SEMA3A: variants seen among roughly 807,000 people sequenced by gnomAD.
SEMA3A encodes semaphorin 3A.
SEMA3A carries 29 observed loss-of-function variants against 97.9 expected under a neutral mutation model. The observed-to-expected ratio is 0.30, with a 90% CI of 0.22 to 0.40. SEMA3A has a LOEUF of 0.40. SEMA3A is among the 10% of genes least tolerant of loss of function. The pLI is 1.00. For synonymous variants in SEMA3A, 321 were observed against 323.7 expected, an observed-to-expected ratio of 0.99 and a Z score of 0.09; for missense variants, 763 against 951.3, an observed-to-expected ratio of 0.80 and a Z score of 2.60.
chr7:84,377,167 C>A (rs984856942), intron 1 of SEMA3A, among the ~76,000 whole-genome samples: 2 of 152,076 alleles, frequency 1.3e-5, no homozygotes, highest in African/African-American at 4.8e-5. Context: ...ATATTTAAGT[C>A]TTTAATTCAT....
At chr7:84,330,389 A>G (rs533846798) in intron 2 of SEMA3A, among the ~76,000 whole-genome samples, 1 of 152,174 alleles carries the variant, frequency 6.6e-6, no homozygotes, top group Admixed American at 6.6e-5. Context: ...TCTAATATCA[A>G]ACTTTGAAAC....
At chr7:84,118,784 T>C (rs574778221) in intron 3 of SEMA3A, among the ~76,000 whole-genome samples, 2 of 152,334 alleles carry the variant, frequency 1.3e-5, no homozygotes, top group East Asian at 3.9e-4. Flanking sequence ...CAACTGTAGT[T>C]ACCTACAACA....
chr7:84,280,174 G>A (rs1345280750), intron 3 of SEMA3A, among the ~76,000 whole-genome samples: 1 of 152,140 alleles, frequency 6.6e-6, no homozygotes, highest in Non-Finnish European at 1.5e-5. Context: ...TGGGATTACA[G>A]ATGTGAGACA....
intron 4 of SEMA3A, among the ~76,000 whole-genome samples, chr7:84,068,489 A>G (rs1214263210): frequency 6.6e-6 from 1 of 152,066 alleles, no homozygotes; most frequent in Non-Finnish European, 1.5e-5. Context: ...GAAACATAAA[A>G]GACCTATACT....
rs1562936898 is a variant in SEMA3A at position 83,956,422 on chromosome 7, C to T, written c.*4949G>A. 1 of 152,078 alleles carries T rather than the reference C, an allele frequency of 6.6e-6. No homozygotes were observed. Among genetic ancestry groups the T allele is most frequent in the Non-Finnish European group, 1.5e-5 (1 of 68,014 alleles). 9.4% of individuals were successfully genotyped at this position (152,078 alleles called of 1,614,324 possible). A position where few individuals can be genotyped will look rare whatever the true frequency, so the allele number is the denominator to read the frequency against. ...TTGTAGAATTCAGAGTTTCAGCTGA[C>T]CTGTGCTGGTTTGAACTAGAGGAGA... On this transcript the variant is annotated 3_prime_UTR_variant, in exon 17 of 17. Coordinates refer to ENST00000265362, the MANE Select transcript of SEMA3A (RefSeq NM_006080.3).
At chr7:84,244,081 G>T (rs1290774216) in intron 3 of SEMA3A, among the ~76,000 whole-genome samples, 7 of 152,148 alleles carry the variant, frequency 4.6e-5, no homozygotes, top group Non-Finnish European at 1.0e-4. Context: ...GTTGATTTGG[G>T]GTGGAGAGTC....
At chr7:84,030,642 C>T (rs1791708177) in intron 6 of SEMA3A, among the ~76,000 whole-genome samples, 1 of 150,880 alleles carries the variant, frequency 6.6e-6, no homozygotes, top group African/African-American at 2.5e-5. Context: ...GTTTAAGATG[C>T]ATCTCATATA....
At chr7:84,071,355 A>T (rs1367924806) in intron 4 of SEMA3A, among the ~76,000 whole-genome samples, 1 of 152,160 alleles carries the variant, frequency 6.6e-6, no homozygotes, top group African/African-American at 2.4e-5. Flanking sequence ...AAATTTTGAC[A>T]TGAGATCACA....
intron 2 of SEMA3A, among the ~76,000 whole-genome samples, chr7:84,329,822 C>T (rs1008939767): frequency 4.6e-5 from 7 of 152,012 alleles, no homozygotes; most frequent in Non-Finnish European, 7.4e-5. Context: ...TTTTATATCA[C>T]ATACTTGCAC....
intron 1 of SEMA3A, among the ~76,000 whole-genome samples, chr7:84,412,367 T>G (rs560523138): frequency 6.6e-6 from 1 of 152,250 alleles, no homozygotes; most frequent in South Asian, 2.1e-4. Context: ...ACTGTATTGT[T>G]CCATGGTGAG....
At chr7:84,357,838 T>G (rs1055365196) in intron 2 of SEMA3A, among the ~76,000 whole-genome samples, 3 of 152,058 alleles carry the variant, frequency 2.0e-5, no homozygotes, top group Non-Finnish European at 4.4e-5. Context: ...TTAACTGGTA[T>G]GAGATGGTAT....
At chr7:84,437,656 A>G (rs1805171901) in intron 1 of SEMA3A, among the ~76,000 whole-genome samples, 1 of 151,828 alleles carries the variant, frequency 6.6e-6, no homozygotes, top group Non-Finnish European at 1.5e-5. Flanking sequence ...CCATCCTGAT[A>G]CATGAGAACA....
chr7:84,186,688 G>A (rs1185744692), intron 1 of SEMA3A, among the ~76,000 whole-genome samples: 6 of 151,532 alleles, frequency 4.0e-5, no homozygotes, highest in Non-Finnish European at 8.8e-5. Context: ...TAATAACAAT[G>A]CTGCTAGTAG....
intron 3 of SEMA3A, among the ~76,000 whole-genome samples, chr7:84,128,210 CT>C (rs973351704): frequency 6.6e-6 from 1 of 151,560 alleles, no homozygotes; most frequent in Non-Finnish European, 1.5e-5. Context: ...TTGCATGGTC[CT>C]TTTTCAACCC....
chr7:84,085,375 C>A (rs543967778), intron 4 of SEMA3A, among the ~76,000 whole-genome samples: 3 of 150,634 alleles, frequency 2.0e-5, no homozygotes, highest in African/African-American at 7.3e-5. Flanking sequence ...TGAAACTGAC[C>A]ATAAAATCGT....
chr7:84,059,394 A>G (rs2115678334), intron 5 of SEMA3A, among the ~76,000 whole-genome samples: 1 of 152,272 alleles, frequency 6.6e-6, no homozygotes, highest in East Asian at 1.9e-4. Context: ...ACAAAAGAAA[A>G]CACTAGAAAA....
chr7:84,065,736 T>C (rs1793456404), intron 4 of SEMA3A, among the ~76,000 whole-genome samples: 2 of 152,112 alleles, frequency 1.3e-5, no homozygotes. Flanking sequence ...GTTGAATCTC[T>C]GAGTAGACCA....
chr7:84,304,388 T>G (rs1231308863), intron 3 of SEMA3A, among the ~76,000 whole-genome samples: 1 of 151,966 alleles, frequency 6.6e-6, no homozygotes, highest in African/African-American at 2.4e-5. Flanking sequence ...AAATAAAGAA[T>G]GCTTTTCAAA....
At chr7:84,382,953 G>A (rs964202668) in intron 1 of SEMA3A, among the ~76,000 whole-genome samples, 1 of 151,790 alleles carries the variant, frequency 6.6e-6, no homozygotes, top group South Asian at 2.1e-4. Flanking sequence ...TTTAGAAAAT[G>A]GATTCTAGAT....
Sources: gnomAD v4.1 joint callset for allele counts (sites outside exome capture counted in the v4.1 genomes callset) on GRCh38, gnomAD v4.1.1 for gene constraint, MANE v1.5 for transcripts, NCBI Gene and HGNC (gene_info 2026-07-23, HGNC 2026-07-21) for gene names.